Variants in BNC2 observed in about 807,000 individuals in gnomAD.
The protein encoded by BNC2 is basonuclin zinc finger protein 2.
BNC2 carries 20 observed loss-of-function variants against 76.3 expected under a neutral mutation model. The observed-to-expected ratio is 0.26, with a 90% CI of 0.18 to 0.38. The LOEUF (loss-of-function observed/expected upper bound fraction) is 0.38, where lower values mean the gene tolerates loss of function less well. Ranked by LOEUF, BNC2 falls within the 10% of genes least tolerant of loss-of-function variation. BNC2 has a pLI of 1.00. For synonymous variants in BNC2, 582 were observed against 514.8 expected (o/e 1.13, Z -1.77); for missense variants, 1,382 against 1,399.8 (o/e 0.99, Z 0.20).
At position 16,418,975 on chromosome 9, in the gene BNC2, T is replaced by C. The variant is rs953966871; in HGVS notation, c.*14A>G. On this transcript the variant is annotated 3_prime_UTR_variant, in exon 7 of 7. Coordinates refer to ENST00000380672, the MANE Select transcript of BNC2 (RefSeq NM_017637.6). ...ATCTGGTGAGAGCTGGCATTTGTAGTGTCCATTCTGAGACTAATCTACTGA... is the reference window on the plus strand; with the variant it reads ...ATCTGGTGAGAGCTGGCATTTGTAGCGTCCATTCTGAGACTAATCTACTGA... 2 of 1,613,990 alleles carry C rather than the reference T, an allele frequency of 1.2e-6. No homozygotes were observed. The highest frequency in any genetic ancestry group is 1.7e-6 in the Non-Finnish European group (2 of 1,179,962).
At chr9:16,839,311 C>T (rs1818774733) in intron 1 of BNC2, among the ~76,000 whole-genome samples, 1 of 152,148 alleles carries the variant, frequency 6.6e-6, no homozygotes, top group Admixed American at 6.5e-5. Context: ...TCTTTTAATG[C>T]CATGTTTATA....
intron 1 of BNC2, among the ~76,000 whole-genome samples, chr9:16,850,414 T>C (rs1298146581): frequency 6.6e-6 from 1 of 152,198 alleles, no homozygotes; most frequent in African/African-American, 2.4e-5. Context: ...GCTCCATAAC[T>C]AGTGGGAGGA....
At chr9:16,851,507 A>C (rs1163573696) in intron 1 of BNC2, among the ~76,000 whole-genome samples, 2 of 152,204 alleles carry the variant, frequency 1.3e-5, no homozygotes, top group African/African-American at 4.8e-5. Flanking sequence ...CCCTGTCTCA[A>C]AAAAATAAAA....
intron 1 of BNC2, among the ~76,000 whole-genome samples, chr9:16,843,597 G>T (rs1476382330): frequency 6.6e-6 from 1 of 152,242 alleles, no homozygotes; most frequent in Non-Finnish European, 1.5e-5. Flanking sequence ...GCCTCCTGAA[G>T]TACTGGGATT....
At chr9:16,499,680 C>A (rs1822478436) in intron 5 of BNC2, among the ~76,000 whole-genome samples, 1 of 151,768 alleles carries the variant, frequency 6.6e-6, no homozygotes, top group African/African-American at 2.4e-5. Flanking sequence ...CAGGCGCCTG[C>A]CACCCTGTCT....
intron 3 of BNC2, among the ~76,000 whole-genome samples, chr9:16,663,352 A>T (rs1262519729): frequency 6.6e-6 from 1 of 151,252 alleles, no homozygotes; most frequent in Non-Finnish European, 1.5e-5. Flanking sequence ...CTCGTCTCAA[A>T]CTCCTAACCT....
chr9:16,824,549 G>A (rs1366630033), intron 1 of BNC2, among the ~76,000 whole-genome samples: 3 of 152,146 alleles, frequency 2.0e-5, no homozygotes. Context: ...GCTCTCAGGT[G>A]CTTTCATATT....
rs77077832 is a variant in BNC2, at chr9:16,699,228, A to G, written c.330+28569T>C. The G allele has an allele frequency of 1.2e-3, 572 of 470,826 alleles. 3 individuals carry two copies. The highest frequency in any genetic ancestry group is 0.011 in the African/African-American group (530 of 50,182). The allele number at this position is 470,826 out of a possible 1,614,324, so 29.2% of individuals were successfully genotyped here. A position where few individuals can be genotyped will look rare whatever the true frequency, so the allele number is the denominator to read the frequency against. ...ACTGTCATCCCCACTATATGTGGCA[A>G]CCTAAATAATGCAACAAAAAAGTCC... is the stretch of plus-strand genomic sequence containing the variant. On this transcript the variant is annotated intron_variant, in intron 3 of 6. Coordinates refer to ENST00000380672, the MANE Select transcript of BNC2 (RefSeq NM_017637.6).
intron 1 of BNC2, among the ~76,000 whole-genome samples, chr9:16,748,115 G>A (rs974939319): frequency 1.3e-5 from 2 of 152,178 alleles, no homozygotes; most frequent in African/African-American, 4.8e-5. Context: ...ATCATTTATG[G>A]AGAAAGAGAA....
chr9:16,465,464 C>T (rs377477660), intron 5 of BNC2, among the ~76,000 whole-genome samples: 7 of 137,392 alleles, frequency 5.1e-5, no homozygotes, highest in South Asian at 2.4e-4. Context: ...GGTTAATAAC[C>T]GGTAGGGCCA....
At chr9:16,573,577 G>T (rs1054997193) in intron 4 of BNC2, among the ~76,000 whole-genome samples, 1 of 152,100 alleles carries the variant, frequency 6.6e-6, no homozygotes, top group Non-Finnish European at 1.5e-5. Context: ...GCCCAAGACT[G>T]TCCTTTCAAT....
intron 5 of BNC2, among the ~76,000 whole-genome samples, chr9:16,446,069 C>T (rs1000052953): frequency 1.3e-5 from 2 of 152,126 alleles, no homozygotes; most frequent in Admixed American, 1.3e-4. Context: ...AACATTAAAT[C>T]TTCTTTCTGT....
chr9:16,673,403 T>A (rs1422986655), intron 3 of BNC2, among the ~76,000 whole-genome samples: 1 of 149,966 alleles, frequency 6.7e-6, no homozygotes, highest in Non-Finnish European at 1.5e-5. Flanking sequence ...TCAAAAAGAA[T>A]AAACTCCCAG....
chr9:16,866,253 C>G (rs1204268984), intron 1 of BNC2, among the ~76,000 whole-genome samples: 1 of 151,834 alleles, frequency 6.6e-6, no homozygotes, highest in Non-Finnish European at 1.5e-5. Context: ...ATTTTTTGAT[C>G]CATAATAAGT....
intron 5 of BNC2, among the ~76,000 whole-genome samples, chr9:16,500,070 C>A (rs989130309): frequency 4.6e-5 from 7 of 151,972 alleles, no homozygotes; most frequent in African/African-American, 1.7e-4. Context: ...CTACTCCCAA[C>A]TCCTCCTCAA....
At chr9:16,857,914 T>TA (rs1391625025) in intron 1 of BNC2, among the ~76,000 whole-genome samples, 1 of 152,260 alleles carries the variant, frequency 6.6e-6, no homozygotes, top group East Asian at 1.9e-4. Flanking sequence ...GCCTCTAAAT[T>TA]AAGTTACCTT....
At chr9:16,668,301 GC>G (rs1260283952) in intron 3 of BNC2, among the ~76,000 whole-genome samples, 1 of 152,144 alleles carries the variant, frequency 6.6e-6, no homozygotes, top group Non-Finnish European at 1.5e-5. Context: ...TACACTGCCA[GC>G]CCCTGGCATA....
chr9:16,493,401 A>AG (rs1240946039), intron 5 of BNC2, among the ~76,000 whole-genome samples: 2 of 152,208 alleles, frequency 1.3e-5, no homozygotes, highest in Non-Finnish European at 2.9e-5. Flanking sequence ...ATTTTTAATT[A>AG]GGGGTGGGTA....
At chr9:16,829,888 A>C (rs1474276622) in intron 1 of BNC2, among the ~76,000 whole-genome samples, 3 of 152,212 alleles carry the variant, frequency 2.0e-5, no homozygotes, top group Admixed American at 6.5e-5. Flanking sequence ...GAAAATAGAA[A>C]ACACTATATT....
Sources: gnomAD v4.1 joint callset for allele counts (sites outside exome capture counted in the v4.1 genomes callset) on GRCh38, gnomAD v4.1.1 for gene constraint, MANE v1.5 for transcripts, NCBI Gene and HGNC (gene_info 2026-07-23, HGNC 2026-07-21) for gene names.